Variants in ACSBG1 observed in about 807,000 individuals in gnomAD.
ACSBG1 encodes the protein long-chain-fatty-acid--CoA ligase ACSBG1.
Under a neutral mutation model 80.2 loss-of-function variants are expected in ACSBG1, and 39 were observed. The ratio of observed to expected loss-of-function variants is 0.49; its 90% CI spans 0.38 to 0.64. ACSBG1 has a LOEUF of 0.64. ACSBG1 is among the 30% of genes least tolerant of loss of function. The pLI, the probability that ACSBG1 is intolerant of heterozygous loss-of-function variation, is 0.00. For synonymous variants in ACSBG1, 392 were observed against 379.5 expected (o/e 1.03, Z -0.38); for missense variants, 828 against 966.4 (o/e 0.86, Z 1.90).
In ACSBG1 at chr15:78,174,438, C is replaced by T. The variant is rs554607936; in HGVS notation, c.1789G>A (p.Ala597Thr). 24 of 1,614,160 alleles carry T rather than the reference C, an allele frequency of 1.5e-5. No individual in the cohort carries two copies. The highest frequency in any genetic ancestry group is 6.7e-5 in the East Asian group (3 of 44,880). Residue 597 changes from alanine to threonine, a missense_variant, in exon 12 of 14, where the codon GCC becomes ACC. Transcript: ENST00000258873. ...TTCCTCTGGTCCCCAATGAGCATGG[C>T]GTTGCTGATGATGGGCAGCTCCATC... ...VKMELPIISN[A>T]MLIGDQRKFL... is the part of the protein sequence containing the mutation.
intron 1 of ACSBG1, 152 bp downstream of exon 1, chr15:78,234,219 A>G (rs1038170233): frequency 3.5e-5 from 40 of 1,127,750 alleles, no homozygotes; most frequent in Non-Finnish European, 5.0e-5. Context: ...CAGTTCTTCC[A>G]TCTTACGGAT....
intron 5 of ACSBG1, among the ~76,000 whole-genome samples, chr15:78,183,542 A>C (rs942886494): frequency 1.3e-5 from 2 of 152,160 alleles, no homozygotes; most frequent in African/African-American, 4.8e-5. Context: ...GCTCCTCGGC[A>C]CTCCAGAGAG....
chr15:78,182,804 T>C lies in ACSBG1; in HGVS notation c.664-19A>G, dbSNP rs2074962660. The C allele has an allele frequency of 3.1e-6, 5 of 1,612,972 alleles. No homozygotes were observed. The highest frequency in any genetic ancestry group is 4.2e-6 in the Non-Finnish European group (5 of 1,179,494). Reference sequence around the variant, plus strand: ...TCCAGATCTGCATTGACAGGAAAAATAGATCAGGTTTCAGTAAGAGAAATG... The same window carrying C: ...TCCAGATCTGCATTGACAGGAAAAACAGATCAGGTTTCAGTAAGAGAAATG... On this transcript the variant is annotated intron_variant, in intron 5 of 13. Transcript: ENST00000258873.
rs1421589381 is a variant in ACSBG1, at chr15:78,178,622, C to T, written c.1694G>A (p.Arg565His). Residue 565 changes from arginine to histidine, a missense_variant, in exon 11 of 14, where the codon CGC (arginine) becomes CAC (histidine). By Grantham distance (29) the Arg-to-His change is conservative. This residue lies in a region of ACSBG1 where 201 missense variants were observed against 227.0 expected (regional missense o/e 0.89). Coordinates refer to ENST00000258873, the MANE Select transcript of ACSBG1 (RefSeq NM_015162.5). The surrounding 1 kb of genome is among the most constrained non-coding windows in gnomAD (Gnocchi z 4.3). Reference sequence around the variant, plus strand: ...TGGCCTGGGGTGCTCACCTTTGAGGCGCCCAGTGATGTAGAGGAAGCCATC... The same window carrying T: ...TGGCCTGGGGTGCTCACCTTTGAGGTGCCCAGTGATGTAGAGGAAGCCATC... ...DADGFLYITG[R>H]LKELIITAGG... The T allele has an allele frequency of 5.6e-6, 9 of 1,609,712 alleles. No individual in the cohort carries two copies. Among genetic ancestry groups the T allele is most frequent in the Admixed American group, 5.0e-5 (3 of 59,886 alleles).
In ACSBG1 at chr15:78,208,103, C is replaced by T; in HGVS notation, c.132-1G>A. 6.2e-7 allele frequency: 1 copy of T among 1,613,084 alleles called. No individual in the cohort carries two copies. Among genetic ancestry groups the T allele is most frequent in the Non-Finnish European group, 8.5e-7 (1 of 1,179,438 alleles). The stretch of plus-strand genomic sequence containing the variant: ...GAGTGGCTGCCTGTCAGTCAGTGAG[C>T]TGGGGTGGTGAGGGGACCAGGAAAA... On this transcript the variant is annotated splice_acceptor_variant, in intron 1 of 13. Coordinates refer to ENST00000258873, the MANE Select transcript of ACSBG1 (RefSeq NM_015162.5). LOFTEE classifies it high-confidence loss of function.
At chr15:78,228,246 G>C (rs1313040182) in intron 1 of ACSBG1, among the ~76,000 whole-genome samples, 1 of 152,180 alleles carries the variant, frequency 6.6e-6, no homozygotes. Context: ...CTGGGATCCA[G>C]GGGTCTCTCA....
chr15:78,216,864 C>T (rs192794812), intron 1 of ACSBG1, among the ~76,000 whole-genome samples: 1 of 152,332 alleles, frequency 6.6e-6, no homozygotes, highest in East Asian at 1.9e-4. Flanking sequence ...ATGTGTCAGA[C>T]ATCAAGTTCC....
chr15:78,182,218 C>A, intron 7 of ACSBG1, 73 bp from the exon 8 acceptor site: 2 of 1,539,706 alleles, frequency 1.3e-6, no homozygotes, highest in East Asian at 2.3e-5. Context: ...TGTGGCCACC[C>A]TGGGGGCCAG....
At chr15:78,212,076 C>T (rs538053403) in intron 1 of ACSBG1, among the ~76,000 whole-genome samples, 35 of 152,300 alleles carry the variant, frequency 2.3e-4, no homozygotes, top group South Asian at 8.3e-4. Flanking sequence ...GATGAGGATC[C>T]GTTTCCCATT....
intron 2 of ACSBG1, among the ~76,000 whole-genome samples, chr15:78,197,437 G>A (rs1243267031): frequency 2.0e-5 from 3 of 152,122 alleles, no homozygotes; most frequent in African/African-American, 7.2e-5. Context: ...AACAGAGAGA[G>A]GGCCCGCATG....
chr15:78,217,264 T>C (rs1002283555), intron 1 of ACSBG1, among the ~76,000 whole-genome samples: 22 of 152,206 alleles, frequency 1.4e-4, no homozygotes, highest in Non-Finnish European at 2.6e-4. Flanking sequence ...ACATGCAATC[T>C]TCGTAACAGC....
In ACSBG1 at chr15:78,185,052, GGAGAGAGAGAGAGAGA is replaced by G. The variant is rs35144005; in HGVS notation, c.664-2283_664-2268del. ...AGGGAGAGAAAGGGGCGGAGGGGAG[GGAGAGAGAGAGAGAGA>G]GAGAGAGAGAGAGGAATACAGAACC... On this transcript the variant is annotated intron_variant, in intron 5 of 13. Transcript: ENST00000258873. Among the ~76,000 whole-genome samples the G allele has an allele frequency of 4.7e-3, 658 of 141,204 alleles. 3 individuals are homozygous for G. The highest frequency in any genetic ancestry group is 6.8e-3 in the Non-Finnish European group (445 of 64,974). The allele number at this position is 141,204 out of a possible 152,430, so 92.6% of individuals were successfully genotyped here. A position where few individuals can be genotyped will look rare whatever the true frequency, so the allele number is the denominator to read the frequency against.
At chr15:78,203,496 T>C (rs955352619) in intron 2 of ACSBG1, among the ~76,000 whole-genome samples, 4 of 151,952 alleles carry the variant, frequency 2.6e-5, no homozygotes, top group Non-Finnish European at 4.4e-5. Flanking sequence ...CCAGGCAAGG[T>C]TGGCACTCTC....
intron 2 of ACSBG1, among the ~76,000 whole-genome samples, chr15:78,197,254 G>A (rs1262224532): frequency 6.6e-6 from 1 of 152,056 alleles, no homozygotes; most frequent in South Asian, 2.1e-4. Context: ...GGAGTGGGGA[G>A]TGACCGTGGA....
intron 2 of ACSBG1, among the ~76,000 whole-genome samples, chr15:78,198,406 G>C (rs2075134564): frequency 6.6e-6 from 1 of 151,272 alleles, no homozygotes; most frequent in African/African-American, 2.4e-5. Context: ...GAATGCAGTG[G>C]CACGATCTTG....
chr15:78,206,277 G>A (rs1423820397), intron 2 of ACSBG1, among the ~76,000 whole-genome samples: 1 of 152,200 alleles, frequency 6.6e-6, no homozygotes, highest in Non-Finnish European at 1.5e-5. Flanking sequence ...AGACCTCTAG[G>A]CCTAGAGGGA....
chr15:78,182,592 C>G lies in ACSBG1; in HGVS notation c.768G>C (p.Gly256=), dbSNP rs1163810057. ...CCAGGGCTTCCTCAGGCACTTCATT[C>G]CCCAGCTCCATGAATTCCTCCATCT... ...VYTMEEFMEL[G]NEVPEEALDA... is the part of the protein sequence containing the mutation. Residue 256 remains glycine (G), a synonymous_variant, in exon 7 of 14, where the codon GGG becomes GGC. Transcript: ENST00000258873. 1 of 1,614,048 alleles carries G rather than the reference C, an allele frequency of 6.2e-7. No individual in the cohort carries two copies. Among genetic ancestry groups the G allele is most frequent in the East Asian group, 2.2e-5 (1 of 44,872 alleles).
chr15:78,182,865 G>A (rs2074963336), intron 5 of ACSBG1, 80 bp from the exon 6 acceptor site: 1 of 1,510,862 alleles, frequency 6.6e-7, no homozygotes, highest in Non-Finnish European at 9.1e-7. Context: ...CCCTGTGTGA[G>A]TCGGCTTAGT....
chr15:78,191,850 A>G (rs2075059732), intron 5 of ACSBG1, among the ~76,000 whole-genome samples: 2 of 152,138 alleles, frequency 1.3e-5, no homozygotes, highest in South Asian at 2.1e-4. Context: ...AAGCACTTAT[A>G]TGGTGCTGCC....
Sources: allele counts gnomAD v4.1 joint callset (sites outside exome capture counted in the v4.1 genomes callset), GRCh38; gene constraint gnomAD v4.1.1; regional missense constraint gnomAD v4.1.1; non-coding constraint Gnocchi (gnomAD v3.1); transcripts MANE v1.5; gene names NCBI Gene and HGNC (gene_info 2026-07-23, HGNC 2026-07-21).